KCTD14: variants seen among roughly 807,000 people sequenced by gnomAD.
KCTD14 encodes the protein potassium channel tetramerization domain containing 14.
In KCTD14, 7 loss-of-function variants were observed where a neutral mutation model predicts 5.9. The observed-to-expected ratio is 1.19, with a 90% CI of 0.68 to 2.23. The LOEUF is 2.23. Ranked by LOEUF, KCTD14 falls within the 30% of genes most tolerant of loss-of-function variation. The pLI, the probability that KCTD14 is intolerant of heterozygous loss-of-function variation, is 0.00. For synonymous variants in KCTD14, 140 were observed against 133.1 expected (o/e 1.05, Z -0.36); for missense variants, 342 against 332.2 (o/e 1.03, Z -0.23).
upstream of KCTD14, chr11:78,023,553 C>G (rs777856399): frequency 5.9e-6 from 2 of 340,772 alleles, no homozygotes; most frequent in Non-Finnish European, 1.1e-5. Context: ...CTCACTCTAT[C>G]GCTCAGGCTG....
intron 1 of KCTD14, among the ~76,000 whole-genome samples, chr11:78,040,961 C>T (rs866259153): frequency 2.6e-5 from 4 of 152,166 alleles, no homozygotes; most frequent in South Asian, 2.1e-4. Flanking sequence ...TGAGCCACCG[C>T]GCCCGGCCAC....
chr11:78,020,866 G>C (rs1377658198), intron 1 of KCTD14, among the ~76,000 whole-genome samples: 1 of 152,198 alleles, frequency 6.6e-6, no homozygotes, highest in Non-Finnish European at 1.5e-5. Flanking sequence ...AGGGCCCTTT[G>C]CTTTCCGTCT....
rs1489839565 is a variant in KCTD14, at chr11:78,017,169, A to G, written c.192T>C (p.Ser64=). 1 of 1,613,956 alleles carries G rather than the reference A, an allele frequency of 6.2e-7. No homozygotes were observed. The highest frequency in any genetic ancestry group is 1.7e-5 in the Admixed American group (1 of 59,996). Residue 64 remains serine, a synonymous_variant, in exon 2 of 2, where the codon TCT becomes TCC. Transcript: ENST00000353172. Reference sequence around the variant, plus strand: ...CGTCCGTGGAGGCCTTGGCTAAGCTAGAGAACATCTCTGCCAGCTTTGAGC... The same window carrying G: ...CGTCCGTGGAGGCCTTGGCTAAGCTGGAGAACATCTCTGCCAGCTTTGAGC... ...FPGSKLAEMF[S]SLAKASTDAE...
Position 78,016,043 on chromosome 11 carries a change from G to A in KCTD14, c.*550C>T, listed in dbSNP as rs1244123680. The A allele has an allele frequency of 6.5e-6, 1 of 153,702 alleles. No homozygotes were observed. The highest frequency in any genetic ancestry group is 1.4e-5 in the Non-Finnish European group (1 of 69,072). The allele number at this position is 153,702 out of a possible 1,614,324, so 9.5% of individuals were successfully genotyped here. A position where few individuals can be genotyped will look rare whatever the true frequency, so the allele number is the denominator to read the frequency against. Reference sequence around the variant, plus strand: ...GGTCTGAGGTGGGGCCTGAGGATTTGTATTTCCAGCAAGTTCACAGGTAAT... The same window carrying A: ...GGTCTGAGGTGGGGCCTGAGGATTTATATTTCCAGCAAGTTCACAGGTAAT... On this transcript the variant is annotated 3_prime_UTR_variant, in exon 2 of 2. Transcript: ENST00000353172.
Position 78,016,229 on chromosome 11 carries a change from A to G in KCTD14, c.*364T>C, listed in dbSNP as rs752437596. The G allele has an allele frequency of 7.4e-6, 2 of 270,816 alleles. No homozygotes were observed. Among genetic ancestry groups the G allele is most frequent in the Non-Finnish European group, 1.4e-5 (2 of 141,642 alleles). 16.8% of individuals were successfully genotyped at this position (270,816 alleles called of 1,614,324 possible). A position where few individuals can be genotyped will look rare whatever the true frequency, so the allele number is the denominator to read the frequency against. On this transcript the variant is annotated 3_prime_UTR_variant, in exon 2 of 2. Transcript: ENST00000353172. ...ACCCCAAGCTGGGGCTATGTAGACT[A>G]CATCTTTAGGTCAGAACATCTAGAT... is the stretch of plus-strand genomic sequence containing the variant.
At chr11:78,018,360 G>A (rs1857225887) in intron 1 of KCTD14, among the ~76,000 whole-genome samples, 1 of 151,998 alleles carries the variant, frequency 6.6e-6, no homozygotes, top group Admixed American at 6.6e-5. Context: ...AGGCAACATA[G>A]CAAGACCCCA....
At chr11:78,024,190 G>C (rs958636684), upstream of KCTD14, among the ~76,000 whole-genome samples, 17 of 152,076 alleles carry the variant, frequency 1.1e-4, no homozygotes, top group African/African-American at 4.1e-4. Flanking sequence ...TTCGAGACCA[G>C]CCTGACCAAA....
intron 1 of KCTD14, among the ~76,000 whole-genome samples, chr11:78,044,252 G>A (rs984509483): frequency 3.3e-5 from 5 of 152,270 alleles, no homozygotes; most frequent in African/African-American, 1.2e-4. Context: ...AGACTCTGGG[G>A]TCTGGAATCT....
At chr11:78,045,046 C>A (rs989286468) in intron 1 of KCTD14, among the ~76,000 whole-genome samples, 2 of 152,152 alleles carry the variant, frequency 1.3e-5, no homozygotes, top group African/African-American at 4.8e-5. Context: ...AGGTCACACA[C>A]AAGTTAAGCT....
chr11:78,027,555 G>A (rs1301476110), upstream of KCTD14, among the ~76,000 whole-genome samples: 1 of 152,030 alleles, frequency 6.6e-6, no homozygotes, highest in Non-Finnish European at 1.5e-5. Context: ...TAGAGACGGG[G>A]TTTCACCATG....
At chr11:78,044,659 C>T (rs1320183058) in intron 1 of KCTD14, among the ~76,000 whole-genome samples, 1 of 152,118 alleles carries the variant, frequency 6.6e-6, no homozygotes, top group Non-Finnish European at 1.5e-5. Context: ...TCCATTCTTG[C>T]CTCCTCAGAG....
intron 2 of KCTD14, among the ~76,000 whole-genome samples, chr11:78,029,699 C>A (rs1207392157): frequency 6.6e-6 from 1 of 152,104 alleles, no homozygotes; most frequent in Non-Finnish European, 1.5e-5. Flanking sequence ...TAAAGTTCAG[C>A]CAGAATAATT....
At chr11:78,029,932 C>T (rs1857569114) in intron 2 of KCTD14, among the ~76,000 whole-genome samples, 1 of 152,096 alleles carries the variant, frequency 6.6e-6, no homozygotes, top group Non-Finnish European at 1.5e-5. Context: ...CAGGCGCCCA[C>T]CACCACGCCT....
chr11:78,037,222 G>A (rs987169905), intron 2 of KCTD14, among the ~76,000 whole-genome samples: 2 of 152,178 alleles, frequency 1.3e-5, no homozygotes, highest in African/African-American at 4.8e-5. Context: ...CCACTCCCCC[G>A]GGGCCAGCCA....
At chr11:78,031,763 G>A (rs1036675003) in intron 2 of KCTD14, among the ~76,000 whole-genome samples, 7 of 152,170 alleles carry the variant, frequency 4.6e-5, no homozygotes, top group African/African-American at 1.7e-4. Flanking sequence ...ACTGGGGAAA[G>A]AGCAGTGAAC....
chr11:78,018,533 C>A (rs1441101494), intron 1 of KCTD14, among the ~76,000 whole-genome samples: 1 of 151,924 alleles, frequency 6.6e-6, no homozygotes, highest in South Asian at 2.1e-4. Flanking sequence ...ATGGTGAAAC[C>A]CCATCTCTAC....
chr11:78,020,829 C>A (rs373503747), intron 1 of KCTD14, among the ~76,000 whole-genome samples: 1 of 152,302 alleles, frequency 6.6e-6, no homozygotes, highest in South Asian at 2.1e-4. Context: ...TCCTGCCCCC[C>A]TACTGCCAAT....
At position 78,016,550 on chromosome 11, in the gene KCTD14, C is replaced by T; in HGVS notation, c.*43G>A. ...TGGCTTTGATGGCAACTTTTAATTT[C>T]ATAAGCCACGCCAGAATTCATAACA... On this transcript the variant is annotated 3_prime_UTR_variant, in exon 2 of 2. Coordinates refer to ENST00000353172, the MANE Select transcript of KCTD14 (RefSeq NM_023930.4). The T allele has an allele frequency of 6.5e-7, 1 of 1,533,040 alleles. No individual in the cohort carries two copies. Among genetic ancestry groups the T allele is most frequent in the Non-Finnish European group, 8.9e-7 (1 of 1,128,172 alleles). The allele number at this position is 1,533,040 out of a possible 1,614,324, so 95.0% of individuals were successfully genotyped here. A position where few individuals can be genotyped will look rare whatever the true frequency, so the allele number is the denominator to read the frequency against.
At chr11:78,028,216 A>G (rs115578071), upstream of KCTD14, among the ~76,000 whole-genome samples, 2,108 of 152,302 alleles carry the variant, frequency 0.014, 53 homozygotes, top group African/African-American at 0.048. Context: ...AGAAATTTCA[A>G]TAGAGGGACA....
Sources: gnomAD v4.1 joint callset for allele counts (sites outside exome capture counted in the v4.1 genomes callset) on GRCh38, gnomAD v4.1.1 for gene constraint, MANE v1.5 for transcripts, NCBI Gene and HGNC (gene_info 2026-07-23, HGNC 2026-07-21) for gene names.